USP12: variants seen among roughly 807,000 people sequenced by gnomAD.
The protein encoded by USP12 is ubiquitin specific peptidase 12.
In USP12, 19 loss-of-function variants were observed where a neutral mutation model predicts 45.5. The ratio of observed to expected loss-of-function variants is 0.42; its 90% CI spans 0.29 to 0.61. The LOEUF is 0.61. USP12 is among the 20% of genes least tolerant of loss of function. USP12 has a pLI of 0.22. For synonymous variants in USP12, 149 were observed against 148.8 expected, an observed-to-expected ratio of 1.00 and a Z score of -0.01; for missense variants, 242 against 447.7, an observed-to-expected ratio of 0.54 and a Z score of 4.15.
chr13:27,160,978 G>A (rs529754163), intron 1 of USP12, among the ~76,000 whole-genome samples: 1 of 152,094 alleles, frequency 6.6e-6, no homozygotes, highest in Non-Finnish European at 1.5e-5. Flanking sequence ...CCAGTGTGTA[G>A]CGTTCCCCTC....
At chr13:27,085,032 CTATT>C (rs1271304348) in intron 6 of USP12, among the ~76,000 whole-genome samples, 6 of 152,000 alleles carry the variant, frequency 3.9e-5, no homozygotes, top group Admixed American at 1.3e-4. Context: ...GGATGTGTTT[CTATT>C]TATTTGTGTC....
intron 1 of USP12, among the ~76,000 whole-genome samples, chr13:27,161,899 AAAAAAAAATT>A (rs55686307): frequency 0.44 from 66,446 of 151,120 alleles, 15,869 homozygotes; most frequent in East Asian, 0.8. Context: ...AAAAAAAAAT[AAAAAAAAATT>A]AAAAAGCCAC....
chr13:27,146,852 A>G (rs187248562), intron 1 of USP12, among the ~76,000 whole-genome samples: 1 of 152,218 alleles, frequency 6.6e-6, no homozygotes, highest in Admixed American at 6.5e-5. Flanking sequence ...TCAAGTTAAA[A>G]TGAGGTCATG....
At chr13:27,088,702 T>C (rs1268460696) in intron 6 of USP12, among the ~76,000 whole-genome samples, 2 of 152,124 alleles carry the variant, frequency 1.3e-5, no homozygotes, top group Non-Finnish European at 2.9e-5. Flanking sequence ...CAATTCAATG[T>C]GGGAAGAATT....
rs1355004056 is a variant in USP12, at chr13:27,068,347, G to A, written c.*936C>T. ...GAAATTAAAGCTGAAGAAAATAACT[G>A]ATTTAGAAACCATAATAAAAGGACA... On this transcript the variant is annotated 3_prime_UTR_variant, in exon 9 of 9. Transcript: ENST00000282344. 8 of 152,482 alleles carry A rather than the reference G, an allele frequency of 5.2e-5. No homozygotes were observed. Among genetic ancestry groups the A allele is most frequent in the Non-Finnish European group, 8.8e-5 (6 of 68,014 alleles). 9.4% of individuals were successfully genotyped at this position (152,482 alleles called of 1,614,324 possible). A position where few individuals can be genotyped will look rare whatever the true frequency, so the allele number is the denominator to read the frequency against.
At chr13:27,148,040 A>AACCACTT (rs1244756109) in intron 1 of USP12, among the ~76,000 whole-genome samples, 1 of 151,960 alleles carries the variant, frequency 6.6e-6, no homozygotes, top group Non-Finnish European at 1.5e-5. Flanking sequence ...GAGGTGGGAG[A>AACCACTT]ACCACTTGGG....
rs1332576115 is a variant in USP12 at position 27,171,609 on chromosome 13, C to A, written c.31G>T (p.Ala11Ser). 3 of 1,289,738 alleles carry A rather than the reference C, an allele frequency of 2.3e-6. No individual in the cohort carries two copies. The highest frequency in any genetic ancestry group is 3.0e-6 in the Non-Finnish European group (3 of 985,814). The allele number at this position is 1,289,738 out of a possible 1,614,324, so 79.9% of individuals were successfully genotyped here. A position where few individuals can be genotyped will look rare whatever the true frequency, so the allele number is the denominator to read the frequency against. ...CCACCTACCATGGTACAGATGGAGG[C>A]GAATTTGGAGACTGTCATTAGGATT... MEILMTVSKF[A>S]SICTMGANAS... Residue 11 changes from alanine to serine, a missense_variant, in exon 1 of 9, where the codon GCC (alanine) becomes TCC (serine). Transcript: ENST00000282344.
At chr13:27,096,324 C>T (rs1874580926) in intron 3 of USP12, among the ~76,000 whole-genome samples, 1 of 152,180 alleles carries the variant, frequency 6.6e-6, no homozygotes, top group Non-Finnish European at 1.5e-5. Flanking sequence ...TTTCAAAGCT[C>T]CTCCAACTAA....
rs1447855105 is a variant in USP12, at chr13:27,116,396, T to G, written c.129+120A>C. 8 of 821,344 alleles carry G rather than the reference T, an allele frequency of 9.7e-6. No homozygotes were observed. The Admixed American group carries it at 2.3e-4, about 24-fold the overall frequency. The allele number at this position is 821,344 out of a possible 1,614,324, so 50.9% of individuals were successfully genotyped here. A position where few individuals can be genotyped will look rare whatever the true frequency, so the allele number is the denominator to read the frequency against. ...ATTTCAAAATTCCCAATCAAGTCTCTTAGCATTTAATTCTATTAATAGAAA... is the reference window on the plus strand; with the variant it reads ...ATTTCAAAATTCCCAATCAAGTCTCGTAGCATTTAATTCTATTAATAGAAA... On this transcript the variant is annotated intron_variant, in intron 2 of 8. Coordinates refer to ENST00000282344, the MANE Select transcript of USP12 (RefSeq NM_182488.4).
Position 27,110,152 on chromosome 13 carries a change from A to C in USP12, c.130-4208T>G, listed in dbSNP as rs896045691. On this transcript the variant is annotated intron_variant, in intron 2 of 8. Transcript: ENST00000282344. The stretch of plus-strand genomic sequence containing the variant: ...TAAAAAAAAAAAAAAAAAAAGGATA[A>C]GTGGAAGAGAAGGAAAATATTGGTA... 7.1e-5 allele frequency among the ~76,000 whole-genome samples: 10 copies of C among 141,070 alleles called. No homozygotes were observed. The Admixed American group carries it at 7.1e-4, about 10-fold the overall frequency. The allele number at this position is 141,070 out of a possible 152,430, so 92.5% of individuals were successfully genotyped here.
At position 27,135,871 on chromosome 13, in the gene USP12, T is replaced by C. The variant is rs533129525; in HGVS notation, c.49-19275A>G. Among the ~76,000 whole-genome samples, 15 of 152,332 alleles carry C rather than the reference T, an allele frequency of 9.8e-5. No individual in the cohort carries two copies. In the South Asian group the frequency reaches 3.1e-3, roughly 32 times the overall value. On this transcript the variant is annotated intron_variant, in intron 1 of 8. Transcript: ENST00000282344. ...CAAAGAAGGAAAACATGCTTTTCTTTACTTTCCAAGTTGAAGTTTAAAATA... is the reference window on the plus strand; with the variant it reads ...CAAAGAAGGAAAACATGCTTTTCTTCACTTTCCAAGTTGAAGTTTAAAATA...
Position 27,171,769 on chromosome 13 carries a change from G to C in USP12, c.-130C>G, listed in dbSNP as rs1878646186. ...CGCCGCGGACCCAACCACCGAGCCC[G>C]CTGGGCCGCCGCTGCCGTCGTCGCC... On this transcript the variant is annotated 5_prime_UTR_variant, in exon 1 of 9. Coordinates refer to ENST00000282344, the MANE Select transcript of USP12 (RefSeq NM_182488.4). 5.1e-6 allele frequency: 2 copies of C among 393,178 alleles called. No homozygotes were observed. Among genetic ancestry groups the C allele is most frequent in the Non-Finnish European group, 7.0e-6 (2 of 283,934 alleles). The allele number at this position is 393,178 out of a possible 1,614,324, so 24.4% of individuals were successfully genotyped here. A position where few individuals can be genotyped will look rare whatever the true frequency, so the allele number is the denominator to read the frequency against.
chr13:27,153,184 T>G (rs1479231335), intron 1 of USP12, among the ~76,000 whole-genome samples: 1 of 151,596 alleles, frequency 6.6e-6, no homozygotes, highest in East Asian at 2.0e-4. Flanking sequence ...AATACAAAAA[T>G]TAGCCAGGTG....
At chr13:27,080,620 C>G (rs2137760007) in intron 6 of USP12, among the ~76,000 whole-genome samples, 1 of 152,232 alleles carries the variant, frequency 6.6e-6, no homozygotes, top group East Asian at 1.9e-4. Context: ...GAGCTTAGCT[C>G]CCAGCGTACT....
At chr13:27,141,006 A>T (rs1266675148) in intron 1 of USP12, among the ~76,000 whole-genome samples, 3 of 148,388 alleles carry the variant, frequency 2.0e-5, no homozygotes, top group Non-Finnish European at 3.0e-5. Flanking sequence ...TTTCAGTGTG[A>T]AGTCACTTTT....
intron 1 of USP12, among the ~76,000 whole-genome samples, chr13:27,136,851 T>TA (rs1186652718): frequency 2.0e-5 from 3 of 152,160 alleles, no homozygotes; most frequent in Non-Finnish European, 4.4e-5. Flanking sequence ...GATTTGCCCC[T>TA]AAAGAATCTG....
chr13:27,118,526 C>T (rs1875845102), intron 1 of USP12, among the ~76,000 whole-genome samples: 1 of 152,096 alleles, frequency 6.6e-6, no homozygotes, highest in African/African-American at 2.4e-5. Flanking sequence ...ATTGCAAGCC[C>T]TACTACCCCT....
At chr13:27,086,308 C>CAA (rs1555233250) in intron 6 of USP12, among the ~76,000 whole-genome samples, 26 of 122,612 alleles carry the variant, frequency 2.1e-4, no homozygotes, top group African/African-American at 4.2e-4. Flanking sequence ...CACACACACA[C>CAA]AATGCAGCAC....
intron 1 of USP12, among the ~76,000 whole-genome samples, chr13:27,151,716 A>G (rs1237692477): frequency 6.6e-6 from 1 of 152,196 alleles, no homozygotes; most frequent in Non-Finnish European, 1.5e-5. Context: ...CAGGAGTTGC[A>G]AGGGATGATC....
Sources: allele counts gnomAD v4.1 joint callset (sites outside exome capture counted in the v4.1 genomes callset), GRCh38; gene constraint gnomAD v4.1.1; transcripts MANE v1.5; gene names NCBI Gene and HGNC (gene_info 2026-07-23, HGNC 2026-07-21).